The following ANKRD31 variants were observed in gnomAD, a reference collection of about 807,000 sequenced individuals.
ANKRD31 encodes ankyrin repeat domain 31.
ANKRD31 carries 147 observed loss-of-function variants against 186.0 expected under a neutral mutation model. The observed-to-expected ratio is 0.79, with a 90% confidence interval of 0.69 to 0.91. The LOEUF (loss-of-function observed/expected upper bound fraction) is 0.91, where lower values mean the gene tolerates loss of function less well. Ranked by LOEUF, ANKRD31 falls within the 40% of genes least tolerant of loss-of-function variation. ANKRD31 has a pLI of 0.00. For synonymous variants in ANKRD31, 673 were observed against 736.4 expected (o/e 0.91, Z 1.39); for missense variants, 1,986 against 2,148.8 (o/e 0.92, Z 1.50).
chr5:75,230,850 T>A (rs1757905197), intron 1 of ANKRD31, among the ~76,000 whole-genome samples: 1 of 152,204 alleles, frequency 6.6e-6, no homozygotes, highest in African/African-American at 2.4e-5. Context: ...ATTTTACAAA[T>A]ATTCTGTTAT....
At chr5:75,194,200 G>T (rs888269991) in intron 7 of ANKRD31, among the ~76,000 whole-genome samples, 1 of 152,064 alleles carries the variant, frequency 6.6e-6, no homozygotes, top group Non-Finnish European at 1.5e-5. Flanking sequence ...AAGGTAACAA[G>T]CTCCATATTT....
chr5:75,182,580 G>T (rs897524219), intron 10 of ANKRD31, among the ~76,000 whole-genome samples: 2 of 151,890 alleles, frequency 1.3e-5, no homozygotes, highest in African/African-American at 4.8e-5. Context: ...TTAGCCAGGC[G>T]TGGTGGCAAG....
At chr5:75,179,052 A>G (rs973342865) in intron 10 of ANKRD31, among the ~76,000 whole-genome samples, 5 of 152,146 alleles carry the variant, frequency 3.3e-5, no homozygotes, top group Non-Finnish European at 7.4e-5. Flanking sequence ...CAAAGGGGAT[A>G]TCACCACCGA....
intron 9 of ANKRD31, among the ~76,000 whole-genome samples, chr5:75,188,917 G>A (rs1754916195): frequency 6.6e-6 from 1 of 152,158 alleles, no homozygotes; most frequent in Non-Finnish European, 1.5e-5. Flanking sequence ...AACAGTGTGT[G>A]TTGATTGAAA....
chr5:75,206,216 CAAAAAAAAAAAAAAAAAAA>C (rs1191388849), intron 5 of ANKRD31, among the ~76,000 whole-genome samples, 176 bp downstream of exon 5: 156 of 14,834 alleles, frequency 0.011, no homozygotes, highest in Middle Eastern at 0.17. Context: ...ACATCTCTAC[CAAAAAAAAAAAAAAAAAAA>C]AAAAAAAAAA....
rs1443256808 is a variant in ANKRD31, at chr5:75,146,421, G to C, written c.2990C>G (p.Ser997Cys). Residue 997 changes from serine (S) to cysteine (C), a missense_variant, in exon 14 of 26, where the codon TCT (serine) becomes TGT (cysteine). Ser to Cys is a moderately radical substitution (Grantham distance 112). Coordinates refer to ENST00000506364, the MANE Select transcript of ANKRD31 (RefSeq NM_001372053.1). ...ANYEQCIFGP[S>C]FDHSNGNPEQ... ...AGGATTGCCATTTGAGTGATCAAAA[G>C]AAGGTCCAAATATGCATTGTTCATA... 1.3e-6 allele frequency: 2 copies of C among 1,536,394 alleles called. No homozygotes were observed. Among genetic ancestry groups the C allele is most frequent in the African/African-American group, 1.4e-5 (1 of 72,968 alleles).
chr5:75,102,571 G>A (rs1301660201), intron 22 of ANKRD31, among the ~76,000 whole-genome samples: 1 of 152,204 alleles, frequency 6.6e-6, no homozygotes, highest in Non-Finnish European at 1.5e-5. Context: ...GAGCTGTGGT[G>A]GCCTCCACCC....
chr5:75,189,289 C>CT (rs920932559), intron 9 of ANKRD31, among the ~76,000 whole-genome samples: 2 of 152,136 alleles, frequency 1.3e-5, no homozygotes, highest in African/African-American at 4.8e-5. Flanking sequence ...ACTGTGCCTC[C>CT]TAAAATACTG....
At chr5:75,179,987 T>C (rs1349410669) in intron 10 of ANKRD31, among the ~76,000 whole-genome samples, 2 of 152,164 alleles carry the variant, frequency 1.3e-5, no homozygotes, top group Non-Finnish European at 2.9e-5. Context: ...GAAAACCCCA[T>C]TGTCTCAGCC....
At chr5:75,111,351 T>C (rs867033239) in intron 20 of ANKRD31, among the ~76,000 whole-genome samples, 1 of 152,166 alleles carries the variant, frequency 6.6e-6, no homozygotes, top group African/African-American at 2.4e-5. Context: ...GGAAAAATCA[T>C]CTTGGATGCA....
intron 5 of ANKRD31, among the ~76,000 whole-genome samples, chr5:75,202,515 T>G (rs757339127): frequency 3.9e-5 from 6 of 152,200 alleles, no homozygotes; most frequent in Non-Finnish European, 5.9e-5. Flanking sequence ...GAGAAATAAT[T>G]CTAAAGCATC....
At position 75,146,110 on chromosome 5, in the gene ANKRD31, T is replaced by C. The variant is rs1751414248; in HGVS notation, c.3301A>G (p.Asn1101Asp). 5 of 1,535,988 alleles carry C rather than the reference T, an allele frequency of 3.3e-6. No homozygotes were observed. In the East Asian group the frequency reaches 1.2e-4, roughly 38 times the overall value. The change falls in exon 14 of 26, where the codon AAC (asparagine) becomes GAC (aspartate). Residue 1101 changes from asparagine (N) to aspartate (D), a missense_variant. Physicochemically the swap from Asn to Asp is conservative, Grantham distance 23. Coordinates refer to ENST00000506364, the MANE Select transcript of ANKRD31 (RefSeq NM_001372053.1). ...TGTATAGTCTCACTTTCTAGATGGTTTTGTCTCCTTTTTTCAACTTTAGTT... is the reference window on the plus strand; with the variant it reads ...TGTATAGTCTCACTTTCTAGATGGTCTTGTCTCCTTTTTTCAACTTTAGTT... ...ETTKVEKRRQ[N>D]HLESETIHNI...
chr5:75,131,373 G>GA (rs1561454199), intron 17 of ANKRD31, among the ~76,000 whole-genome samples: 1 of 152,152 alleles, frequency 6.6e-6, no homozygotes, highest in Non-Finnish European at 1.5e-5. Context: ...TCCTGTGCAT[G>GA]GGTCAGAGGG....
At chr5:75,115,451 T>C (rs1187862352) in intron 19 of ANKRD31, among the ~76,000 whole-genome samples, 1 of 151,966 alleles carries the variant, frequency 6.6e-6, no homozygotes, top group Non-Finnish European at 1.5e-5. Context: ...GAAAAGAAAC[T>C]ACCATCAGAG....
At chr5:75,126,873 C>G (rs1326971364) in intron 17 of ANKRD31, among the ~76,000 whole-genome samples, 2 of 152,118 alleles carry the variant, frequency 1.3e-5, no homozygotes, top group Non-Finnish European at 2.9e-5. Flanking sequence ...GATTTCAATT[C>G]CATTTGCTGA....
intron 25 of ANKRD31, among the ~76,000 whole-genome samples, chr5:75,077,931 CAAAAAA>C (rs56910458): frequency 7.5e-5 from 5 of 66,710 alleles, no homozygotes; most frequent in African/African-American, 2.3e-4. Flanking sequence ...GACTCCGTCT[CAAAAAA>C]AAAAAAAAAA....
chr5:75,160,911 C>T (rs1752531769), intron 11 of ANKRD31, among the ~76,000 whole-genome samples: 1 of 152,090 alleles, frequency 6.6e-6, no homozygotes, highest in Non-Finnish European at 1.5e-5. Context: ...AGTGCTTTTC[C>T]CCTTATGCCA....
chr5:75,154,296 T>C lies in ANKRD31; in HGVS notation c.1757A>G (p.Asp586Gly). ...LNGADPLFRN[D>G]DGKCALDEAK... ...CTCATCCAAAGCACATTTTCCATCA[T>C]CATTTCTAAATAATGGATCAGCTCC... The change falls in exon 12 of 26, where the codon GAT (aspartate) becomes GGT (glycine). Residue 586 changes from aspartate (D) to glycine (G), a missense_variant. Coordinates refer to ENST00000506364, the MANE Select transcript of ANKRD31 (RefSeq NM_001372053.1). The C allele has an allele frequency of 3.9e-6, 6 of 1,536,122 alleles. No homozygotes were observed. The highest frequency in any genetic ancestry group is 2.4e-5 in the East Asian group (1 of 40,824).
intron 22 of ANKRD31, among the ~76,000 whole-genome samples, chr5:75,100,422 G>A (rs1358492229): frequency 6.6e-6 from 1 of 152,172 alleles, no homozygotes; most frequent in African/African-American, 2.4e-5. Flanking sequence ...GGAGAGTTCT[G>A]TAGATGCCTA....
Sources: gnomAD v4.1 joint callset for allele counts (sites outside exome capture counted in the v4.1 genomes callset) on GRCh38, gnomAD v4.1.1 for gene constraint, MANE v1.5 for transcripts, NCBI Gene and HGNC (gene_info 2026-07-23, HGNC 2026-07-21) for gene names.